SLC25A43: variants seen among roughly 807,000 people sequenced by gnomAD.
SLC25A43 encodes the protein solute carrier family 25, member 43.
SLC25A43 carries 10 observed loss-of-function variants against 22.8 expected under a neutral mutation model. The observed-to-expected ratio is 0.44, with a 90% CI of 0.27 to 0.74. The LOEUF (loss-of-function observed/expected upper bound fraction) is 0.74, where lower values mean the gene tolerates loss of function less well. SLC25A43 is among the 30% of genes least tolerant of loss of function. The probability of loss-of-function intolerance (pLI) is 0.17; values close to 1 mark genes in which losing one functional copy is unlikely to be tolerated. For synonymous variants in SLC25A43, 106 were observed against 121.6 expected, an observed-to-expected ratio of 0.87 and a Z score of 0.84; for missense variants, 233 against 279.1, an observed-to-expected ratio of 0.83 and a Z score of 1.18.
chrX:119,425,627 G>A (rs375821533), intron 3 of SLC25A43, among the ~76,000 whole-genome samples: 106 of 85,240 alleles, frequency 1.2e-3, no homozygotes, highest in Admixed American at 1.4e-3. Context: ...TTAGCAGTCA[G>A]AAAAAAAAAA....
chrX:119,446,151 C>CAAAAAAAAAAAAAA (rs3078475), intron 3 of SLC25A43, among the ~76,000 whole-genome samples: 1 of 38,697 alleles, frequency 2.6e-5, no homozygotes, highest in Non-Finnish European at 4.2e-5. Flanking sequence ...GACTCCATCT[C>CAAAAAAAAAAAAAA]AAAAAAAAAA....
intron 3 of SLC25A43, among the ~76,000 whole-genome samples, chrX:119,411,699 G>A (rs776026006): frequency 1.8e-5 from 2 of 110,913 alleles, no homozygotes; most frequent in Non-Finnish European, 3.8e-5. Flanking sequence ...AATCCTAGCA[G>A]GGCTGAGGTG....
rs767654008 is a variant in SLC25A43 at position 119,422,002 on chromosome X, G to A, written c.690+11640G>A. ...GCAATCTCGGCTCACTGCAACCTCC[G>A]CCTCCTGGGTTCAAGTGATTCTCCT... On this transcript the variant is annotated intron_variant, in intron 3 of 4. Coordinates refer to ENST00000217909, the MANE Select transcript of SLC25A43 (RefSeq NM_145305.3). Among the ~76,000 whole-genome samples the A allele has an allele frequency of 2.2e-4, 25 of 111,219 alleles. No individual in the cohort carries two copies. In the Middle Eastern group the frequency reaches 0.014, roughly 62 times the overall value.
intron 3 of SLC25A43, among the ~76,000 whole-genome samples, chrX:119,433,907 C>A (rs1050745863): frequency 1.8e-5 from 2 of 111,774 alleles, no homozygotes; most frequent in African/African-American, 6.5e-5. Context: ...GATTAAAGAG[C>A]CTGGAGTTTA....
At chrX:119,402,859 A>G in intron 1 of SLC25A43, among the ~76,000 whole-genome samples, 1 of 107,933 alleles carries the variant, frequency 9.3e-6, no homozygotes, top group Non-Finnish European at 1.9e-5. Context: ...AAGGGGAACA[A>G]TTGATAGGAC....
intron 3 of SLC25A43, among the ~76,000 whole-genome samples, chrX:119,450,173 T>A (rs1338086702): frequency 9.0e-6 from 1 of 110,587 alleles, no homozygotes; most frequent in Non-Finnish European, 1.9e-5. Flanking sequence ...GTAGGAGGTG[T>A]TTAAAGCAAA....
intron 3 of SLC25A43, among the ~76,000 whole-genome samples, chrX:119,416,188 C>G (rs1305405020): frequency 9.2e-6 from 1 of 108,784 alleles, no homozygotes; most frequent in Non-Finnish European, 1.9e-5. Flanking sequence ...GGGTCTCTAT[C>G]TTAATGACCA....
chrX:119,424,682 C>T (rs2052487579), intron 3 of SLC25A43, among the ~76,000 whole-genome samples: 2 of 112,452 alleles, frequency 1.8e-5, no homozygotes, highest in African/African-American at 6.5e-5. Flanking sequence ...TGTCTTAATC[C>T]GTTCAGGCTG....
intron 3 of SLC25A43, among the ~76,000 whole-genome samples, chrX:119,450,634 T>C (rs2052698962): frequency 8.9e-6 from 1 of 112,105 alleles, no homozygotes; most frequent in Non-Finnish European, 1.9e-5. Context: ...CTTACTGTTG[T>C]ACCACACCTC....
intron 3 of SLC25A43, among the ~76,000 whole-genome samples, chrX:119,433,436 T>C (rs2147285047): frequency 8.9e-6 from 1 of 112,214 alleles, no homozygotes; most frequent in African/African-American, 3.2e-5. Flanking sequence ...CTAGTGTTTT[T>C]CCCAAATAGC....
intron 2 of SLC25A43, among the ~76,000 whole-genome samples, chrX:119,409,775 C>T (rs1352103170): frequency 9.1e-6 from 1 of 110,211 alleles, no homozygotes; most frequent in African/African-American, 3.3e-5. Flanking sequence ...AACGCCACAC[C>T]CAGTTACTTT....
chrX:119,452,855 G>A lies in SLC25A43; in HGVS notation c.826-10G>A, dbSNP rs759891832. The A allele has an allele frequency of 1.7e-6, 2 of 1,193,796 alleles. No individual in the cohort carries two copies. The highest frequency in any genetic ancestry group is 2.3e-6 in the Non-Finnish European group (2 of 884,049). On this transcript the variant is annotated splice_polypyrimidine_tract_variant and intron_variant, in intron 4 of 4. Transcript: ENST00000217909. ...GAACTTAACTTGATTTTCATTTTTG[G>A]TTTTAACAGATAGTTCCATATTTTG...
chrX:119,427,158 C>T (rs930913558), intron 3 of SLC25A43, among the ~76,000 whole-genome samples: 7 of 111,254 alleles, frequency 6.3e-5, no homozygotes, highest in African/African-American at 2.3e-4. Context: ...ACATGCCAGG[C>T]CTGTGACCCA....
chrX:119,405,350 G>A (rs775861667), intron 1 of SLC25A43, among the ~76,000 whole-genome samples: 1 of 109,742 alleles, frequency 9.1e-6, no homozygotes, highest in Admixed American at 9.7e-5. Flanking sequence ...GCTTTCACCT[G>A]AATGCCCACT....
chrX:119,410,420 G>C, intron 3 of SLC25A43, 58 bp downstream of exon 3: 1 of 1,138,786 alleles, frequency 8.8e-7, no homozygotes, highest in African/African-American at 1.8e-5. Flanking sequence ...TTGTGGTCGG[G>C]TAATAACAGC....
chrX:119,450,688 A>C (rs1330828518), intron 3 of SLC25A43, among the ~76,000 whole-genome samples: 2 of 111,960 alleles, frequency 1.8e-5, no homozygotes, highest in Non-Finnish European at 3.8e-5. Flanking sequence ...ACAGAATGCC[A>C]TATAGCCCCA....
chrX:119,415,207 G>A (rs1340167618), intron 3 of SLC25A43, among the ~76,000 whole-genome samples: 1 of 109,827 alleles, frequency 9.1e-6, no homozygotes, highest in Admixed American at 9.7e-5. Flanking sequence ...ACAGGGGTGA[G>A]CCGCCGTGCC....
At chrX:119,407,553 T>C (rs2052309514) in intron 2 of SLC25A43, among the ~76,000 whole-genome samples, 4 of 111,522 alleles carry the variant, frequency 3.6e-5, no homozygotes, top group Middle Eastern at 9.2e-3. Context: ...AGGAGATAGA[T>C]GCTTCAGGAA....
chrX:119,433,763 G>C (rs769171468), intron 3 of SLC25A43, among the ~76,000 whole-genome samples: 12 of 111,835 alleles, frequency 1.1e-4, no homozygotes, highest in African/African-American at 3.6e-4. Context: ...ACTGACCCTT[G>C]CTTAAGAGAG....
Sources: gnomAD v4.1 joint callset for allele counts (sites outside exome capture counted in the v4.1 genomes callset) on GRCh38, gnomAD v4.1.1 for gene constraint, MANE v1.5 for transcripts, NCBI Gene and HGNC (gene_info 2026-07-23, HGNC 2026-07-21) for gene names.